COL6A5: variants seen among roughly 807,000 people sequenced by gnomAD.
COL6A5 encodes collagen alpha-5(VI) chain.
COL6A5 carries 48 observed loss-of-function variants against 65.6 expected under a neutral mutation model. The ratio of observed to expected loss-of-function variants is 0.73; its 90% confidence interval spans 0.58 to 0.93. The LOEUF is 0.93. COL6A5 is among the 40% of genes least tolerant of loss of function. The pLI, the probability that COL6A5 is intolerant of heterozygous loss-of-function variation, is 0.00. For missense variants in COL6A5, 914 were observed against 928.3 expected (o/e 0.98, Z 0.20); for synonymous variants, 291 against 322.8 (o/e 0.90, Z 1.05).
intron 5 of COL6A5, among the ~76,000 whole-genome samples, chr3:130,388,221 TGC>T (rs1434241603): frequency 6.6e-6 from 1 of 152,156 alleles, no homozygotes; most frequent in Non-Finnish European, 1.5e-5. Flanking sequence ...AGGAATTGAT[TGC>T]TTTGGCTCTG....
intron 1 of COL6A5, among the ~76,000 whole-genome samples, chr3:130,361,573 C>T (rs1410408870): frequency 6.6e-6 from 1 of 152,040 alleles, no homozygotes. Flanking sequence ...GTTTTCAACT[C>T]ATTTGGGTAA....
chr3:130,374,114 T>G (rs1216237129), intron 2 of COL6A5, among the ~76,000 whole-genome samples: 1 of 152,138 alleles, frequency 6.6e-6, no homozygotes, highest in African/African-American at 2.4e-5. Flanking sequence ...AAATATATAT[T>G]TACACACAAA....
intron 1 of COL6A5, among the ~76,000 whole-genome samples, chr3:130,366,438 C>T (rs1419606355): frequency 1.3e-5 from 2 of 152,146 alleles, no homozygotes; most frequent in African/African-American, 2.4e-5. Context: ...TTATGCCTTT[C>T]GTTGAGCCCA....
intron 20 of COL6A5, among the ~76,000 whole-genome samples, chr3:130,412,630 G>A (rs1937213754): frequency 6.6e-6 from 1 of 152,154 alleles, no homozygotes; most frequent in Non-Finnish European, 1.5e-5. Flanking sequence ...GCTTTTTTAT[G>A]TCAAGAGCTT....
At chr3:130,420,936 T>C (rs954786900) in intron 25 of COL6A5, among the ~76,000 whole-genome samples, 4 of 152,020 alleles carry the variant, frequency 2.6e-5, no homozygotes, top group Non-Finnish European at 5.9e-5. Flanking sequence ...TTTCCTGCAA[T>C]GTTTACAGAA....
chr3:130,443,485 A>T, exon 4 of COL6A5: 1 of 1,608,500 alleles, frequency 6.2e-7, no homozygotes, highest in Non-Finnish European at 8.5e-7. Flanking sequence ...GGGGGATTCA[A>T]TCAGTACCCA....
At chr3:130,384,241 G>A (rs555973575) in intron 4 of COL6A5, among the ~76,000 whole-genome samples, 1 of 152,108 alleles carries the variant, frequency 6.6e-6, no homozygotes, top group Non-Finnish European at 1.5e-5. Context: ...ACACAGTGAG[G>A]GAGACGAAGA....
chr3:130,422,919 C>T (rs1399872860), intron 28 of COL6A5, 137 bp downstream of exon 28: 3 of 519,064 alleles, frequency 5.8e-6, no homozygotes, highest in African/African-American at 4.0e-5. Context: ...ACCTTCAACA[C>T]ATCTTTTCAG....
At chr3:130,356,961 A>G (rs1577421928) in intron 1 of COL6A5, among the ~76,000 whole-genome samples, 2 of 152,328 alleles carry the variant, frequency 1.3e-5, no homozygotes, top group East Asian at 3.9e-4. Flanking sequence ...AAACCTATGT[A>G]AAATAGAATG....
intron 1 of COL6A5, among the ~76,000 whole-genome samples, chr3:130,354,862 C>T (rs1170645697): frequency 1.3e-5 from 2 of 152,126 alleles, no homozygotes; most frequent in Non-Finnish European, 2.9e-5. Context: ...GTATTGGCTA[C>T]TGGCCATTTG....
At chr3:130,406,351 AAGG>A in intron 17 of COL6A5, 30 bp downstream of exon 17, 1 of 1,518,536 alleles carries the variant, frequency 6.6e-7, no homozygotes, top group South Asian at 1.2e-5. Context: ...TACTTCAAAG[AAGG>A]AGAATTTGGT....
rs1210749249 is a variant in COL6A5 at position 130,421,133 on chromosome 3, A to C, written c.4951-20A>C. On this transcript the variant is annotated intron_variant and NMD_transcript_variant, in intron 25 of 41. Coordinates refer to the COL6A5 transcript ENST00000312481. ...ATTTCCACCTTTGAGAAATTGAAAA[A>C]AACTGGTGTGTTTACACAGGGAGAT... is the stretch of plus-strand genomic sequence containing the variant. 1 of 1,549,420 alleles carries C rather than the reference A, an allele frequency of 6.5e-7. No individual in the cohort carries two copies.
upstream of COL6A5, chr3:130,429,641 A>C (rs1373985158): frequency 6.9e-7 from 1 of 1,449,994 alleles, no homozygotes; most frequent in Admixed American, 2.4e-5. Flanking sequence ...CATTCCAACA[A>C]GACCAATCTG....
intron 1 of COL6A5, among the ~76,000 whole-genome samples, chr3:130,356,168 A>C (rs1314029102): frequency 6.6e-6 from 1 of 152,188 alleles, no homozygotes; most frequent in African/African-American, 2.4e-5. Context: ...CGCAAGCGAT[A>C]ATCAAAAGTC....
intron 25 of COL6A5, among the ~76,000 whole-genome samples, chr3:130,419,898 A>C (rs9813099): frequency 0.15 from 22,870 of 152,114 alleles, 1,956 homozygotes; most frequent in East Asian, 0.27. Flanking sequence ...AACAACAAAA[A>C]AAGAAAAAAA....
chr3:130,433,062 A>C (rs1937887745), intron 1 of COL6A5, among the ~76,000 whole-genome samples: 1 of 152,192 alleles, frequency 6.6e-6, no homozygotes, highest in Admixed American at 6.5e-5. Flanking sequence ...TATAAAGAGA[A>C]AGAATCTCTC....
chr3:130,431,642 G>T, exon 1 of COL6A5: 1 of 1,551,488 alleles, frequency 6.4e-7, no homozygotes, highest in Non-Finnish European at 8.7e-7. Flanking sequence ...TATAACTCAG[G>T]CACCAGCTAT....
intron 18 of COL6A5, 61 bp downstream of exon 18, chr3:130,409,449 T>C (rs1005466697): frequency 1.2e-5 from 17 of 1,384,748 alleles, no homozygotes; most frequent in Admixed American, 2.4e-5. Flanking sequence ...TCCTATCTCC[T>C]TTCCCTTTGT....
intron 1 of COL6A5, among the ~76,000 whole-genome samples, chr3:130,365,958 C>T (rs188372945): frequency 1.3e-4 from 20 of 152,236 alleles, no homozygotes; most frequent in African/African-American, 4.6e-4. Context: ...ATGAGAAGAG[C>T]GAGCCAAGCC....
Sources: allele counts gnomAD v4.1 joint callset (sites outside exome capture counted in the v4.1 genomes callset), GRCh38; gene constraint gnomAD v4.1.1; transcripts MANE v1.5; gene names NCBI Gene and HGNC (gene_info 2026-07-23, HGNC 2026-07-21).